The following DPP10 variants were observed in gnomAD, a reference collection of about 807,000 sequenced individuals.
DPP10 encodes dipeptidyl peptidase like 10.
Under a neutral mutation model 120.9 loss-of-function variants are expected in DPP10, and 33 were observed. The observed-to-expected ratio is 0.27, with a 90% CI of 0.21 to 0.37. The LOEUF (loss-of-function observed/expected upper bound fraction) is 0.37, where lower values mean the gene tolerates loss of function less well. Among genes scored for constraint, DPP10 ranks in the 10% least tolerant of loss-of-function variants. The pLI, the probability that DPP10 is intolerant of heterozygous loss-of-function variation, is 1.00. For missense variants in DPP10, 816 were observed against 942.8 expected (o/e 0.87, Z 1.76); for synonymous variants, 337 against 326.1 (o/e 1.03, Z -0.36).
chr2:115,779,153 C>T (rs552366892), intron 15 of DPP10, among the ~76,000 whole-genome samples: 1 of 152,134 alleles, frequency 6.6e-6, no homozygotes, highest in South Asian at 2.1e-4. Context: ...TCTTTCTTCC[C>T]ATTATTAGTG....
At chr2:115,059,433 G>A (rs1334821232) in intron 1 of DPP10, among the ~76,000 whole-genome samples, 2 of 148,714 alleles carry the variant, frequency 1.3e-5, no homozygotes, top group East Asian at 4.0e-4. Flanking sequence ...ATGAATCCAG[G>A]CTCCGTCACT....
At chr2:114,499,276 A>C (rs1682946202) in intron 1 of DPP10, among the ~76,000 whole-genome samples, 1 of 152,220 alleles carries the variant, frequency 6.6e-6, no homozygotes, top group Admixed American at 6.5e-5. Context: ...TGTGTAATCC[A>C]GAAAGGGCAG....
chr2:115,331,352 A>G (rs562778379), intron 2 of DPP10, among the ~76,000 whole-genome samples: 18 of 152,326 alleles, frequency 1.2e-4, no homozygotes, highest in African/African-American at 3.8e-4. Flanking sequence ...TAAATATACA[A>G]TGATGTCATC....
intron 1 of DPP10, among the ~76,000 whole-genome samples, chr2:114,455,460 G>A (rs186914427): frequency 7.9e-5 from 12 of 151,596 alleles, no homozygotes; most frequent in Admixed American, 3.3e-4. Flanking sequence ...CAGGAGAATC[G>A]CCTGAACCTG....
At chr2:115,094,493 T>C (rs1709552729) in intron 1 of DPP10, among the ~76,000 whole-genome samples, 1 of 152,166 alleles carries the variant, frequency 6.6e-6, no homozygotes, top group Non-Finnish European at 1.5e-5. Context: ...AACTACTTCC[T>C]TTGCAATCCA....
intron 5 of DPP10, among the ~76,000 whole-genome samples, chr2:115,598,565 C>A (rs1162976186): frequency 6.6e-6 from 1 of 151,836 alleles, no homozygotes; most frequent in African/African-American, 2.4e-5. Context: ...AGAAAACTTG[C>A]AATCATATAA....
intron 1 of DPP10, among the ~76,000 whole-genome samples, chr2:114,854,083 T>C (rs949809002): frequency 1.3e-5 from 2 of 152,208 alleles, no homozygotes; most frequent in Admixed American, 6.5e-5. Context: ...CATCAGTAGA[T>C]GTTTAATACA....
intron 1 of DPP10, among the ~76,000 whole-genome samples, chr2:114,963,799 C>G (rs1427999628): frequency 6.6e-6 from 1 of 152,078 alleles, no homozygotes; most frequent in Non-Finnish European, 1.5e-5. Flanking sequence ...AGATCAAATC[C>G]TGGTGACCAA....
chr2:114,501,519 G>T (rs935399259), intron 1 of DPP10, among the ~76,000 whole-genome samples: 3 of 152,176 alleles, frequency 2.0e-5, no homozygotes, highest in Admixed American at 6.5e-5. Context: ...AATCTGCCAT[G>T]TTCTAAATGA....
chr2:115,617,245 A>G (rs1325052378), intron 5 of DPP10, among the ~76,000 whole-genome samples: 1 of 130,644 alleles, frequency 7.7e-6, no homozygotes, highest in African/African-American at 2.8e-5. Context: ...CAAACCCTGT[A>G]TGTATGTATG....
intron 1 of DPP10, among the ~76,000 whole-genome samples, chr2:114,732,792 G>C (rs989084507): frequency 6.6e-6 from 1 of 152,066 alleles, no homozygotes; most frequent in African/African-American, 2.4e-5. Flanking sequence ...CATTTTACTT[G>C]CATGTTCTCA....
chr2:114,561,092 G>A (rs1440720557), intron 1 of DPP10, among the ~76,000 whole-genome samples: 2 of 152,088 alleles, frequency 1.3e-5, no homozygotes, highest in African/African-American at 2.4e-5. Context: ...CTCCACACCA[G>A]CTCCGTCCGC....
At chr2:115,466,611 A>G (rs1475645356) in intron 3 of DPP10, among the ~76,000 whole-genome samples, 1 of 152,206 alleles carries the variant, frequency 6.6e-6, no homozygotes, top group East Asian at 1.9e-4. Flanking sequence ...TGACAGAGTA[A>G]TATACATCTT....
chr2:115,246,962 G>A (rs565892823), intron 1 of DPP10, among the ~76,000 whole-genome samples: 5 of 152,152 alleles, frequency 3.3e-5, no homozygotes, highest in Middle Eastern at 3.4e-3. Flanking sequence ...AGAAGTGCAC[G>A]AGAAAACCTA....
chr2:115,390,273 T>C (rs542654977), intron 3 of DPP10, among the ~76,000 whole-genome samples: 1 of 152,360 alleles, frequency 6.6e-6, no homozygotes, highest in South Asian at 2.1e-4. Flanking sequence ...TGCTGAAATA[T>C]AATCATCCAA....
intron 3 of DPP10, among the ~76,000 whole-genome samples, chr2:115,433,331 TGAA>T (rs1250139329): frequency 6.6e-6 from 1 of 152,104 alleles, no homozygotes; most frequent in Non-Finnish European, 1.5e-5. Flanking sequence ...TAAAAACCAT[TGAA>T]GAGCTTTTCA....
chr2:114,810,572 T>C (rs1685093755), intron 1 of DPP10, among the ~76,000 whole-genome samples: 1 of 152,242 alleles, frequency 6.6e-6, no homozygotes, highest in Non-Finnish European at 1.5e-5. Context: ...CCTTCTTTTA[T>C]ACTTAAGGGA....
intron 2 of DPP10, among the ~76,000 whole-genome samples, chr2:115,328,326 A>T (rs1574438044): frequency 2.0e-5 from 3 of 152,210 alleles, no homozygotes; most frequent in African/African-American, 7.2e-5. Context: ...TGTTAATTTG[A>T]AAAAGGTCTC....
intron 5 of DPP10, among the ~76,000 whole-genome samples, chr2:115,570,468 T>C (rs2081274636): frequency 6.6e-6 from 1 of 152,210 alleles, no homozygotes; most frequent in African/African-American, 2.4e-5. Context: ...TTTCACATAG[T>C]CCACACTTCA....
Sources: allele counts gnomAD v4.1 joint callset (sites outside exome capture counted in the v4.1 genomes callset), GRCh38; gene constraint gnomAD v4.1.1; transcripts MANE v1.5; gene names NCBI Gene and HGNC (gene_info 2026-07-23, HGNC 2026-07-21).